The following KLHL7 variants were observed in gnomAD, a reference collection of about 807,000 sequenced individuals.
The protein encoded by KLHL7 is kelch like family member 7.
In KLHL7, 44 loss-of-function variants were observed where a neutral mutation model predicts 67.4. The ratio of observed to expected loss-of-function variants is 0.65; its 90% CI spans 0.51 to 0.84. KLHL7 has a LOEUF of 0.84. KLHL7 is among the 40% of genes least tolerant of loss of function. KLHL7 has a pLI of 0.00. For synonymous variants in KLHL7, 252 were observed against 243.3 expected (o/e 1.04, Z -0.33); for missense variants, 362 against 718.1 (o/e 0.50, Z 5.67).
intron 4 of KLHL7, among the ~76,000 whole-genome samples, chr7:23,126,371 T>G (rs1278477782): frequency 6.6e-6 from 1 of 152,216 alleles, no homozygotes; most frequent in Non-Finnish European, 1.5e-5. Flanking sequence ...GGGGGACTAC[T>G]CTAATTCCAT....
rs776795284 is a variant in KLHL7, at chr7:23,105,817, G to C, written c.-210G>C. 3.0e-6 allele frequency: 2 copies of C among 664,676 alleles called. No homozygotes were observed. Among genetic ancestry groups the C allele is most frequent in the South Asian group, 1.7e-5 (1 of 58,012 alleles). The allele number at this position is 664,676 out of a possible 1,614,324, so 41.2% of individuals were successfully genotyped here. On this transcript the variant is annotated 5_prime_UTR_variant, in exon 1 of 11. Transcript: ENST00000339077. ...GCCCGGGGACGCAGCCCAGTTGGTA[G>C]CGTCGCTCCCTGAGCGTTTCTAAGG...
rs746011195 is a variant in KLHL7 at position 23,105,986 on chromosome 7, C to G, written c.-41C>G. 68 of 1,598,146 alleles carry G rather than the reference C, an allele frequency of 4.3e-5. No individual in the cohort carries two copies. Among genetic ancestry groups the G allele is most frequent in the Non-Finnish European group, 5.5e-5 (65 of 1,174,798 alleles). ...GTGCCCAGAGAGTGCGACCCCTCGC[C>G]CGGCCCGGCGAGCCCCGGGCGTGAA... On this transcript the variant is annotated 5_prime_UTR_variant, in exon 1 of 11. Transcript: ENST00000339077.
intron 1 of KLHL7, among the ~76,000 whole-genome samples, chr7:23,114,996 A>C (rs1368597564): frequency 6.6e-6 from 1 of 152,248 alleles, no homozygotes; most frequent in Non-Finnish European, 1.5e-5. Flanking sequence ...ATTGAATTCC[A>C]AATATGTGCT....
intron 4 of KLHL7, among the ~76,000 whole-genome samples, chr7:23,135,396 G>T (rs891364299): frequency 1.3e-5 from 2 of 152,118 alleles, no homozygotes; most frequent in Non-Finnish European, 2.9e-5. Flanking sequence ...GGAAAAGGAT[G>T]TGTATTCTAT....
intron 1 of KLHL7, among the ~76,000 whole-genome samples, chr7:23,113,048 GTGGGAAGAAA>G (rs1048844343): frequency 5.9e-5 from 9 of 152,118 alleles, no homozygotes; most frequent in African/African-American, 2.2e-4. Context: ...TCCATAAGAA[GTGGGAAGAAA>G]GAGGGGATTG....
chr7:23,109,922 G>T (rs1782796885), intron 1 of KLHL7, among the ~76,000 whole-genome samples: 1 of 152,034 alleles, frequency 6.6e-6, no homozygotes, highest in South Asian at 2.1e-4. Context: ...AGAAGCTATT[G>T]TCACTCCACT....
chr7:23,111,820 CAAAAAAAAAAAAA>C (rs895981894), intron 1 of KLHL7, among the ~76,000 whole-genome samples: 21 of 23,242 alleles, frequency 9.0e-4, no homozygotes, highest in African/African-American at 2.2e-3. Context: ...GACTCCGTCT[CAAAAAAAAAAAAA>C]AAAAAAAAAA....
chr7:23,135,672 A>G (rs377632049), intron 4 of KLHL7, among the ~76,000 whole-genome samples: 2 of 152,254 alleles, frequency 1.3e-5, no homozygotes, highest in East Asian at 3.9e-4. Context: ...AACTGTGGCT[A>G]TTTGTCTTTG....
intron 9 of KLHL7, 49 bp downstream of exon 9, chr7:23,168,086 C>T: frequency 6.5e-7 from 1 of 1,545,008 alleles, no homozygotes; most frequent in Middle Eastern, 2.0e-4. Flanking sequence ...ATTCTATAAG[C>T]TCTGTAGGAG....
chr7:23,153,552 G>C (rs769271938), intron 7 of KLHL7, among the ~76,000 whole-genome samples: 26 of 152,176 alleles, frequency 1.7e-4, no homozygotes, highest in Non-Finnish European at 3.1e-4. Flanking sequence ...TGGTCACCTG[G>C]TTTCCCTTGG....
intron 1 of KLHL7, among the ~76,000 whole-genome samples, chr7:23,109,415 A>T (rs1043708025): frequency 5.3e-5 from 8 of 152,230 alleles, no homozygotes; most frequent in Non-Finnish European, 1.2e-4. Context: ...TTTTGTGTTA[A>T]TGAAGTCCAG....
intron 8 of KLHL7, 124 bp downstream of exon 8, chr7:23,166,062 G>A (rs1000705434): frequency 8.7e-7 from 1 of 1,149,686 alleles, no homozygotes; most frequent in African/African-American, 1.5e-5. Flanking sequence ...TTAAATATGT[G>A]TTTGTCACAT....
chr7:23,134,389 A>G (rs1783903970), intron 4 of KLHL7, among the ~76,000 whole-genome samples: 1 of 152,172 alleles, frequency 6.6e-6, no homozygotes, highest in African/African-American at 2.4e-5. Context: ...AATGTTCATC[A>G]GAGATATTGG....
chr7:23,156,622 G>C (rs1479960790), intron 7 of KLHL7, among the ~76,000 whole-genome samples: 3 of 152,156 alleles, frequency 2.0e-5, no homozygotes, highest in Non-Finnish European at 4.4e-5. Context: ...GGAGAATATG[G>C]GACTCTGCAT....
At chr7:23,150,071 A>G (rs1243215250) in intron 6 of KLHL7, among the ~76,000 whole-genome samples, 1 of 152,132 alleles carries the variant, frequency 6.6e-6, no homozygotes, top group Non-Finnish European at 1.5e-5. Context: ...ATGTGAGAGG[A>G]CTGCTGAGCC....
chr7:23,140,567 AAAAC>A (rs1262233519), intron 4 of KLHL7, 198 bp from the exon 5 acceptor site: 6 of 607,690 alleles, frequency 9.9e-6, no homozygotes, highest in African/African-American at 5.8e-5. Context: ...AAAAAACAAA[AAAAC>A]AAAAAACAAA....
At chr7:23,143,713 G>A in intron 5 of KLHL7, 138 bp from the exon 6 acceptor site, 1 of 883,064 alleles carries the variant, frequency 1.1e-6, no homozygotes, top group Admixed American at 1.8e-5. Flanking sequence ...GAACCAGCAA[G>A]TGTCCAGGGA....
chr7:23,157,330 G>A (rs1007907533), intron 7 of KLHL7, among the ~76,000 whole-genome samples: 2 of 152,188 alleles, frequency 1.3e-5, no homozygotes, highest in African/African-American at 4.8e-5. Context: ...CAGATGAGGT[G>A]GACCTCTAGC....
chr7:23,171,348 C>T (rs960697564), intron 9 of KLHL7, among the ~76,000 whole-genome samples: 3 of 152,146 alleles, frequency 2.0e-5, no homozygotes, highest in Non-Finnish European at 4.4e-5. Context: ...ATATCATTAA[C>T]ATTATATTTG....
Sources: allele counts gnomAD v4.1 joint callset (sites outside exome capture counted in the v4.1 genomes callset), GRCh38; gene constraint gnomAD v4.1.1; transcripts MANE v1.5; gene names NCBI Gene and HGNC (gene_info 2026-07-23, HGNC 2026-07-21).